AP1G1: variants seen among roughly 807,000 people sequenced by gnomAD.
AP1G1 encodes the protein adaptor related protein complex 1 subunit gamma 1, also known as AP-1 complex subunit gamma-1.
In AP1G1, 7 loss-of-function variants were observed where a neutral mutation model predicts 108.3. The ratio of observed to expected loss-of-function variants is 0.06; its 90% CI spans 0.04 to 0.12. AP1G1 has a LOEUF of 0.12. AP1G1 is among the 10% of genes least tolerant of loss of function. The probability of loss-of-function intolerance (pLI) is 1.00; values close to 1 mark genes in which losing one functional copy is unlikely to be tolerated. For missense variants in AP1G1, 756 were observed against 1,010.7 expected (o/e 0.75, Z 3.42); for synonymous variants, 379 against 353.5 (o/e 1.07, Z -0.81).
At chr16:71,751,763 G>A (rs2030520133) in intron 13 of AP1G1, among the ~76,000 whole-genome samples, 1 of 152,010 alleles carries the variant, frequency 6.6e-6, no homozygotes, top group African/African-American at 2.4e-5. Context: ...ACCATATTCT[G>A]GGTCATAAAA....
At chr16:71,779,591 T>G (rs962596566) in intron 2 of AP1G1, among the ~76,000 whole-genome samples, 24 of 152,058 alleles carry the variant, frequency 1.6e-4, no homozygotes, top group Admixed American at 1.0e-3. Flanking sequence ...TCTGCCCACC[T>G]CGCCTCCCAA....
At chr16:71,751,471 G>GAAAAAAAAA (rs538905227) in intron 13 of AP1G1, 2 of 100,764 alleles carry the variant, frequency 2.0e-5, no homozygotes, top group Non-Finnish European at 2.0e-5. Context: ...GGAAAAAAAA[G>GAAAAAAAAA]AAAAAAAAAA....
intron 1 of AP1G1, chr16:71,807,905 A>G: frequency 3.9e-6 from 5 of 1,284,414 alleles, no homozygotes; most frequent in Non-Finnish European, 5.1e-6. Flanking sequence ...CAAAAAGCTA[A>G]GTATTCAGCA....
At chr16:71,767,496 A>G (rs1338387466) in intron 6 of AP1G1, among the ~76,000 whole-genome samples, 1 of 152,256 alleles carries the variant, frequency 6.6e-6, no homozygotes, top group East Asian at 1.9e-4. Flanking sequence ...GGTTACCCAC[A>G]TGCGGTTCTA....
In AP1G1 at chr16:71,808,824, A is replaced by C. The variant is rs1234520186; in HGVS notation, c.-65T>G. 6.2e-6 allele frequency: 8 copies of C among 1,289,440 alleles called. No homozygotes were observed. The highest frequency in any genetic ancestry group is 1.2e-5 in the South Asian group (1 of 80,806). The allele number at this position is 1,289,440 out of a possible 1,614,324, so 79.9% of individuals were successfully genotyped here. A position where few individuals can be genotyped will look rare whatever the true frequency, so the allele number is the denominator to read the frequency against. On this transcript the variant is annotated 5_prime_UTR_variant, in exon 1 of 23. Coordinates refer to ENST00000299980, the MANE Select transcript of AP1G1 (RefSeq NM_001128.6). Reference sequence around the variant, plus strand: ...GGCGGCGGCAGCAGTGGCAGCAGGAACCGAACATCCAAAATGGCGGCTCCC... The same window carrying C: ...GGCGGCGGCAGCAGTGGCAGCAGGACCCGAACATCCAAAATGGCGGCTCCC...
intron 3 of AP1G1, 87 bp from the exon 4 acceptor site, chr16:71,773,449 A>C: frequency 1.6e-6 from 2 of 1,287,928 alleles, no homozygotes; most frequent in Non-Finnish European, 2.1e-6. Context: ...GGATGACTCA[A>C]GATTTCTCCA....
chr16:71,749,927 T>C lies in AP1G1; in HGVS notation c.1464A>G (p.Val488=). Residue 488 remains valine, a synonymous_variant, in exon 15 of 23, where the codon GTA becomes GTG. Coordinates refer to ENST00000299980, the MANE Select transcript of AP1G1 (RefSeq NM_001128.6). The part of the protein sequence containing the change: ...WCIGEYGDLL[V]SGQCEEEEPI... ...GCTCTTCCTCTTCACACTGGCCAGA[T>C]ACAAGAAGATCACCATATTCACCTA... is the stretch of plus-strand genomic sequence containing the variant. 1.2e-6 allele frequency: 2 copies of C among 1,613,032 alleles called. No homozygotes were observed. Among genetic ancestry groups the C allele is most frequent in the Non-Finnish European group, 1.7e-6 (2 of 1,179,024 alleles).
chr16:71,792,994 C>T (rs148905137), intron 1 of AP1G1, among the ~76,000 whole-genome samples: 77 of 152,128 alleles, frequency 5.1e-4, no homozygotes, highest in African/African-American at 1.7e-3. Context: ...ATGCTGAAAC[C>T]CTGTCTCTAC....
intron 19 of AP1G1, among the ~76,000 whole-genome samples, chr16:71,740,944 C>T (rs897012316): frequency 6.6e-6 from 1 of 152,098 alleles, no homozygotes; most frequent in African/African-American, 2.4e-5. Context: ...CACACACACA[C>T]GCACCCTGTG....
At chr16:71,808,386 G>A (rs1022259386) in intron 1 of AP1G1, 28 of 955,082 alleles carry the variant, frequency 2.9e-5, no homozygotes, top group Middle Eastern at 4.6e-4. Context: ...CAAGAACGCT[G>A]ATACGTGGCT....
At chr16:71,783,041 T>A (rs1463085292) in intron 2 of AP1G1, among the ~76,000 whole-genome samples, 1 of 152,158 alleles carries the variant, frequency 6.6e-6, no homozygotes, top group Non-Finnish European at 1.5e-5. Flanking sequence ...GGTCATTAAT[T>A]CTAAGGCTTT....
At chr16:71,755,919 C>T in intron 12 of AP1G1, 100 bp downstream of exon 12, 2 of 1,315,052 alleles carry the variant, frequency 1.5e-6, no homozygotes, top group Non-Finnish European at 2.1e-6. Flanking sequence ...GCTGAGACTG[C>T]AGGCGTGTGC....
chr16:71,797,250 G>A (rs2032619414), intron 1 of AP1G1, among the ~76,000 whole-genome samples: 1 of 151,872 alleles, frequency 6.6e-6, no homozygotes, highest in South Asian at 2.1e-4. Flanking sequence ...ATGACCCAAA[G>A]GGTATAATTA....
At position 71,750,480 on chromosome 16, in the gene AP1G1, T is replaced by C. The variant is rs543273883; in HGVS notation, c.1285-148A>G. 31 of 896,968 alleles carry C rather than the reference T, an allele frequency of 3.5e-5. No individual in the cohort carries two copies. In the South Asian group the frequency reaches 5.3e-4, roughly 15 times the overall value. The allele number at this position is 896,968 out of a possible 1,614,324, so 55.6% of individuals were successfully genotyped here. The stretch of plus-strand genomic sequence containing the variant: ...CCCAGGCTGGAGTGCGATAGCGCGA[T>C]CTTGGCTCACTGCAACCTCCACCTC... On this transcript the variant is annotated intron_variant, in intron 13 of 22. Transcript: ENST00000299980.
At chr16:71,808,123 T>C (rs954817400) in intron 1 of AP1G1, 6 of 1,153,582 alleles carry the variant, frequency 5.2e-6, no homozygotes, top group African/African-American at 4.9e-5. Context: ...GGAGAATTAT[T>C]AGACGCTGAC....
At chr16:71,777,678 C>G (rs1028872292) in intron 2 of AP1G1, 2 of 457,818 alleles carry the variant, frequency 4.4e-6, no homozygotes, top group African/African-American at 2.0e-5. Context: ...CTCTTCAGCT[C>G]GGGCCCTTCA....
intron 22 of AP1G1, 23 bp downstream of exon 22, chr16:71,734,586 T>C (rs1256042832): frequency 1.9e-6 from 3 of 1,556,742 alleles, no homozygotes; most frequent in Admixed American, 1.7e-5. Context: ...GGCTCAGATA[T>C]TGGCTACAAA....
At chr16:71,775,495 A>G (rs189490858) in intron 2 of AP1G1, among the ~76,000 whole-genome samples, 195 of 152,318 alleles carry the variant, frequency 1.3e-3, no homozygotes, top group African/African-American at 4.3e-3. Context: ...AACACAAACT[A>G]GAAGTATTAT....
rs1213680207 is a variant in AP1G1 at position 71,736,098 on chromosome 16, C to CAAA, written c.2269-1394_2269-1392dup. 4.0e-3 allele frequency among the ~76,000 whole-genome samples: 102 copies of CAAA among 25,410 alleles called. 2 individuals carry two copies. Among genetic ancestry groups the CAAA allele is most frequent in the African/African-American group, 0.019 (101 of 5,316 alleles). The allele number at this position is 25,410 out of a possible 152,430, so 16.7% of individuals were successfully genotyped here. On this transcript the variant is annotated intron_variant, in intron 21 of 22. Coordinates refer to ENST00000299980, the MANE Select transcript of AP1G1 (RefSeq NM_001128.6). ...TGGGTGACAGAGTGAGACTCCATCT[C>CAAA]AAAAAAAAAAAAAAAAAAAATATAT...
Sources: gnomAD v4.1 joint callset for allele counts (sites outside exome capture counted in the v4.1 genomes callset) on GRCh38, gnomAD v4.1.1 for gene constraint, MANE v1.5 for transcripts, NCBI Gene and HGNC (gene_info 2026-07-23, HGNC 2026-07-21) for gene names.